CBLN2: variants seen among roughly 807,000 people sequenced by gnomAD.
The protein encoded by CBLN2 is cerebellin 2 precursor, also known as cerebellin-2.
A neutral mutation model predicts 15.0 loss-of-function variants in CBLN2; 7 were observed. The ratio of observed to expected loss-of-function variants is 0.47; its 90% CI spans 0.27 to 0.88. CBLN2 has a LOEUF of 0.88. Among genes scored for constraint, CBLN2 ranks in the 40% least tolerant of loss-of-function variants. The probability of loss-of-function intolerance (pLI) is 0.14; values close to 1 mark genes in which losing one functional copy is unlikely to be tolerated. For missense variants in CBLN2, 242 were observed against 304.5 expected, an observed-to-expected ratio of 0.79 and a Z score of 1.53; for synonymous variants, 149 against 135.2, an observed-to-expected ratio of 1.10 and a Z score of -0.71.
chr18:72,616,303 G>A (rs1448827127), intron 1 of CBLN2, among the ~76,000 whole-genome samples: 1 of 152,176 alleles, frequency 6.6e-6, no homozygotes, highest in Non-Finnish European at 1.5e-5. Context: ...ATTCCTTAAT[G>A]AATATGTTCC....
intron 1 of CBLN2, among the ~76,000 whole-genome samples, chr18:72,602,470 G>T (rs116704871): frequency 6.6e-6 from 1 of 151,814 alleles, no homozygotes; most frequent in African/African-American, 2.4e-5. Flanking sequence ...TTTTACTGAG[G>T]CCTCTTTTTA....
intron 1 of CBLN2, among the ~76,000 whole-genome samples, chr18:72,584,551 CT>C (rs2069429673): frequency 6.6e-6 from 1 of 151,992 alleles, no homozygotes; most frequent in South Asian, 2.1e-4. Context: ...ATCCACCCAC[CT>C]CAGCCTCCCA....
At chr18:72,559,883 A>G (rs951925720) in intron 1 of CBLN2, among the ~76,000 whole-genome samples, 1 of 152,232 alleles carries the variant, frequency 6.6e-6, no homozygotes, top group South Asian at 2.1e-4. Context: ...GACACAGAGC[A>G]CCTTGATTTT....
rs2069115843 is a variant in CBLN2, at chr18:72,541,948, G to A, written c.213C>T (p.Ser71=). ...AGGTGACGGCGCCGTCCGCCGACGG[G>A]CTGGAGTCGCACACCACCAGGCACT... ...EGKCLVVCDS[S]PSADGAVTSS... is the part of the protein sequence containing the mutation. Residue 71 remains serine, a synonymous_variant, in exon 3 of 5, where the codon AGC becomes AGT. Transcript: ENST00000269503. The A allele has an allele frequency of 6.2e-7, 1 of 1,607,624 alleles. No homozygotes were observed. Among genetic ancestry groups the A allele is most frequent in the Non-Finnish European group, 8.5e-7 (1 of 1,179,548 alleles).
intron 1 of CBLN2, among the ~76,000 whole-genome samples, chr18:72,562,756 T>C (rs567716969): frequency 6.6e-6 from 1 of 152,336 alleles, no homozygotes; most frequent in Non-Finnish European, 1.5e-5. Flanking sequence ...AAGTATAATT[T>C]AGGTTTGATG....
chr18:72,626,950 G>A (rs548167119), intron 1 of CBLN2, among the ~76,000 whole-genome samples: 3 of 152,208 alleles, frequency 2.0e-5, no homozygotes, highest in Non-Finnish European at 2.9e-5. Flanking sequence ...TTGCTTGCCC[G>A]TGTTTGAACT....
At chr18:72,605,634 G>C (rs562197568) in intron 1 of CBLN2, among the ~76,000 whole-genome samples, 1 of 152,256 alleles carries the variant, frequency 6.6e-6, no homozygotes, top group African/African-American at 2.4e-5. Flanking sequence ...GTTTTCCAAG[G>C]GTCTGGCCCT....
intron 1 of CBLN2, among the ~76,000 whole-genome samples, chr18:72,626,135 C>T (rs1022292741): frequency 2.6e-5 from 4 of 151,896 alleles, no homozygotes; most frequent in Non-Finnish European, 4.4e-5. Flanking sequence ...GGTTATCTCC[C>T]GTTCGGCAAA....
At chr18:72,577,602 A>C (rs1159560743) in intron 1 of CBLN2, among the ~76,000 whole-genome samples, 1 of 152,200 alleles carries the variant, frequency 6.6e-6, no homozygotes, top group Non-Finnish European at 1.5e-5. Context: ...CTTGCGTATT[A>C]ACTATTTCTC....
chr18:72,566,390 G>A (rs537105274), intron 1 of CBLN2, among the ~76,000 whole-genome samples: 130 of 152,176 alleles, frequency 8.5e-4, no homozygotes, highest in Middle Eastern at 6.8e-3. Flanking sequence ...CATTATTTAC[G>A]GTAGTCAAAA....
intron 1 of CBLN2, among the ~76,000 whole-genome samples, chr18:72,633,745 T>A (rs981055172): frequency 6.6e-6 from 1 of 152,162 alleles, no homozygotes; most frequent in African/African-American, 2.4e-5. Context: ...CTTAAACATT[T>A]TAATTAAGGG....
At chr18:72,610,225 T>C (rs956127697) in intron 1 of CBLN2, among the ~76,000 whole-genome samples, 1 of 152,186 alleles carries the variant, frequency 6.6e-6, no homozygotes, top group East Asian at 1.9e-4. Context: ...CCCATCTCTC[T>C]TCCACCCTGG....
intron 1 of CBLN2, among the ~76,000 whole-genome samples, chr18:72,601,941 G>C (rs952025931): frequency 1.3e-5 from 2 of 152,172 alleles, no homozygotes; most frequent in Non-Finnish European, 2.9e-5. Flanking sequence ...CACTCTGCTA[G>C]AGCAGCCAGT....
At chr18:72,570,956 G>A (rs1003033449) in intron 1 of CBLN2, among the ~76,000 whole-genome samples, 1 of 152,076 alleles carries the variant, frequency 6.6e-6, no homozygotes, top group Non-Finnish European at 1.5e-5. Flanking sequence ...TATGAATAAT[G>A]AGGATTGACT....
At chr18:72,605,881 A>G (rs2069580454) in intron 1 of CBLN2, among the ~76,000 whole-genome samples, 1 of 152,250 alleles carries the variant, frequency 6.6e-6, no homozygotes, top group East Asian at 1.9e-4. Flanking sequence ...GTGCACACAC[A>G]GAATAATTTG....
intron 1 of CBLN2, among the ~76,000 whole-genome samples, chr18:72,634,910 A>T (rs1198991542): frequency 6.6e-6 from 1 of 152,124 alleles, no homozygotes; most frequent in African/African-American, 2.4e-5. Flanking sequence ...TGAACCACGC[A>T]GTTTTTGTTT....
intron 1 of CBLN2, among the ~76,000 whole-genome samples, chr18:72,572,144 CT>C (rs2069336354): frequency 6.6e-6 from 1 of 152,152 alleles, no homozygotes; most frequent in Non-Finnish European, 1.5e-5. Context: ...CTGGTCATTC[CT>C]CCCCATCTTC....
chr18:72,567,847 T>C (rs992324816), intron 1 of CBLN2, among the ~76,000 whole-genome samples: 1 of 152,212 alleles, frequency 6.6e-6, no homozygotes, highest in Non-Finnish European at 1.5e-5. Flanking sequence ...TAATAAGATC[T>C]TAGAAAGCAG....
chr18:72,576,694 T>C (rs1490053047), intron 1 of CBLN2, among the ~76,000 whole-genome samples: 1 of 151,974 alleles, frequency 6.6e-6, no homozygotes, highest in Admixed American at 6.6e-5. Context: ...TGCTGGGATA[T>C]GAGAGCAGAA....
Sources: gnomAD v4.1 joint callset for allele counts (sites outside exome capture counted in the v4.1 genomes callset) on GRCh38, gnomAD v4.1.1 for gene constraint, MANE v1.5 for transcripts, NCBI Gene and HGNC (gene_info 2026-07-23, HGNC 2026-07-21) for gene names.